The following DUOX2 variants were observed in gnomAD, a reference collection of about 807,000 sequenced individuals.
DUOX2 encodes NADH/NADPH thyroid oxidase p138-tox.
Under a neutral mutation model 183.3 loss-of-function variants are expected in DUOX2, and 185 were observed. The ratio of observed to expected loss-of-function variants is 1.01; its 90% CI spans 0.90 to 1.14. DUOX2 has a LOEUF of 1.14. DUOX2 is among the 50% of genes most tolerant of loss of function. DUOX2 has a pLI of 0.00. For missense variants in DUOX2, 1,999 were observed against 2,022.9 expected, an observed-to-expected ratio of 0.99 and a Z score of 0.23; for synonymous variants, 788 against 812.4, an observed-to-expected ratio of 0.97 and a Z score of 0.51.
rs145811119 is a variant in DUOX2 at position 45,096,021 on chromosome 15, T to A, written c.3887A>T (p.Glu1296Val). 12 of 1,613,998 alleles carry A rather than the reference T, an allele frequency of 7.4e-6. No homozygotes were observed. In the East Asian group the frequency reaches 2.7e-4, roughly 36 times the overall value. The change falls in exon 30 of 34, where the codon GAG becomes GTG. Residue 1296 changes from glutamate (E) to valine (V), a missense_variant. By Grantham distance (121) the Glu-to-Val change is moderately radical (BLOSUM62 -2). Transcript: ENST00000389039. Reference protein sequence around the residue: ...YLQFQRPQGFEYKSGQWVRIA... With the variant: ...YLQFQRPQGFVYKSGQWVRIA... ...CCGCACCCACTGTCCTGACTTGTACTCAAAGCCTTGGGGCCTCTGGAATTG... is the reference window on the plus strand; with the variant it reads ...CCGCACCCACTGTCCTGACTTGTACACAAAGCCTTGGGGCCTCTGGAATTG...
intron 24 of DUOX2, 69 bp downstream of exon 24, chr15:45,099,981 G>A (rs1894031553): frequency 3.7e-6 from 6 of 1,612,788 alleles, no homozygotes; most frequent in South Asian, 1.1e-5. Flanking sequence ...TAGGATCAGA[G>A]GGCTTTCCAC....
intron 17 of DUOX2, 113 bp downstream of exon 17, chr15:45,106,011 TC>T (rs758137037): frequency 7.1e-7 from 1 of 1,416,118 alleles, no homozygotes; most frequent in Non-Finnish European, 9.8e-7. Flanking sequence ...GGAGCCCCTC[TC>T]CCCAGCATCA....
At position 45,101,017 on chromosome 15, in the gene DUOX2, C is replaced by T; in HGVS notation, c.2922-179G>A. 5.7e-6 allele frequency: 4 copies of T among 701,126 alleles called. No individual in the cohort carries two copies. In the Admixed American group the frequency reaches 6.5e-5, roughly 11 times the overall value. The allele number at this position is 701,126 out of a possible 1,614,324, so 43.4% of individuals were successfully genotyped here. A position where few individuals can be genotyped will look rare whatever the true frequency, so the allele number is the denominator to read the frequency against. On this transcript the variant is annotated intron_variant, in intron 22 of 33. Coordinates refer to ENST00000389039, the MANE Select transcript of DUOX2 (RefSeq NM_001363711.2). The stretch of plus-strand genomic sequence containing the variant: ...GTAGAATGATTCTGGCCTGGAGCAG[C>T]AGGGAGAGAGCCAAGCATCCGAGCA...
In DUOX2 at chr15:45,109,919, T is replaced by C. The variant is rs1169879173; in HGVS notation, c.1102A>G (p.Arg368Gly). The change falls in exon 10 of 34, where the codon AGG (arginine) becomes GGG (glycine). Residue 368 changes from arginine to glycine, a missense_variant. By Grantham distance (125) the Arg-to-Gly change is moderately radical. Around this residue, in one of 3 missense-constraint regions of DUOX2, gnomAD observed 1,628 missense variants for 1,608.6 expected, o/e 1.01. Transcript: ENST00000389039. ...CGAATCCAGTAGTTGTTGCAGACCC[T>C]GAGAGCTTGGGAGCTTTGAAAACCC... ...NKGFQSSQAL[R>G]VCNNYWIREN... 2 of 1,614,038 alleles carry C rather than the reference T, an allele frequency of 1.2e-6. No homozygotes were observed. The highest frequency in any genetic ancestry group is 2.2e-5 in the East Asian group (1 of 44,902).
At chr15:45,110,793 T>C in intron 7 of DUOX2, 83 bp from the exon 8 acceptor site, 1 of 1,601,738 alleles carries the variant, frequency 6.2e-7, no homozygotes, top group Non-Finnish European at 8.5e-7. Context: ...ACGGCTTCCG[T>C]GTGGAGATGA....
intron 27 of DUOX2, 64 bp from the exon 28 acceptor site, chr15:45,097,805 C>T: frequency 1.2e-6 from 2 of 1,612,032 alleles, no homozygotes; most frequent in Non-Finnish European, 1.7e-6. Flanking sequence ...GAAAAGACAA[C>T]AGCACATTCC....
Position 45,111,974 on chromosome 15 carries a change from A to T in DUOX2, c.326-19T>A, listed in dbSNP as rs1297822494. The stretch of plus-strand genomic sequence containing the variant: ...TGGTAGCCTGCGGGCATGGGGCGCC[A>T]ATACGTGACAAACCGTCCGTATTGC... On this transcript the variant is annotated intron_variant, in intron 4 of 33. Transcript: ENST00000389039. 1 of 1,612,128 alleles carries T rather than the reference A, an allele frequency of 6.2e-7. No homozygotes were observed. The highest frequency in any genetic ancestry group is 1.3e-5 in the African/African-American group (1 of 74,922).
intron 3 of DUOX2, 49 bp from the exon 4 acceptor site, chr15:45,112,767 A>T (rs1894478537): frequency 1.9e-6 from 3 of 1,606,658 alleles, no homozygotes; most frequent in South Asian, 1.1e-5. Context: ...ATCCCCTAGG[A>T]TCCCCCAAAC....
At chr15:45,095,337 G>A in intron 31 of DUOX2, 100 bp downstream of exon 31, 2 of 1,563,326 alleles carry the variant, frequency 1.3e-6, no homozygotes, top group Non-Finnish European at 1.8e-6. Flanking sequence ...TTCAGACTCA[G>A]TTCCTGGAGC....
In DUOX2 at chr15:45,112,316, T is replaced by C. The variant is rs114865056; in HGVS notation, c.325+238A>G. Among the ~76,000 whole-genome samples the C allele has an allele frequency of 3.2e-3, 487 of 151,522 alleles. 1 individual carries two copies. The highest frequency in any genetic ancestry group is 0.011 in the African/African-American group (461 of 41,234). On this transcript the variant is annotated intron_variant, in intron 4 of 33. Transcript: ENST00000389039. ...CAGTTCCCAAGAGCTATAATGGGGG[T>C]CCAGTGACACCCCTAGGTTGGAATA... is the stretch of plus-strand genomic sequence containing the variant.
chr15:45,101,640 C>T (rs1894083031), intron 21 of DUOX2, 153 bp downstream of exon 21: 7 of 957,714 alleles, frequency 7.3e-6, no homozygotes, highest in Non-Finnish European at 9.7e-6. Flanking sequence ...GCAACTTGCA[C>T]ACCTACATGT....
At position 45,093,022 on chromosome 15, in the gene DUOX2, T is replaced by A. The variant is rs1893802550; in HGVS notation, c.*1128A>T. The A allele has an allele frequency of 6.6e-6, 1 of 152,230 alleles. No homozygotes were observed. Among genetic ancestry groups the A allele is most frequent in the East Asian group, 1.9e-4 (1 of 5,196 alleles). 9.4% of individuals were successfully genotyped at this position (152,230 alleles called of 1,614,324 possible). ...TTGACCTGGGTGGTGGTAAAACATG[T>A]ACATGATTATTTATTATACCTCGAT... On this transcript the variant is annotated 3_prime_UTR_variant, in exon 34 of 34. Transcript: ENST00000389039.
At chr15:45,109,376 G>T in intron 11 of DUOX2, 148 bp downstream of exon 11, 4 of 674,000 alleles carry the variant, frequency 5.9e-6, no homozygotes, top group Non-Finnish European at 1.0e-5. Context: ...AAAGTTCAAA[G>T]TTCATTTTCT....
chr15:45,106,620 A>G lies in DUOX2; in HGVS notation c.1853T>C (p.Val618Ala), dbSNP rs1428495510. Reference sequence around the variant, plus strand: ...TTCTCGGCCCCGGAAATAGGCCACCACTCCAGAGAGAAGCAGACTCACTGA... The same window carrying G: ...TTCTCGGCCCCGGAAATAGGCCACCGCTCCAGAGAGAAGCAGACTCACTGA... Reference protein sequence around the residue: ...LPLVSLLLSGVVAYFRGREHK... With the variant: ...LPLVSLLLSGAVAYFRGREHK... Residue 618 changes from valine (V) to alanine (A), a missense_variant, in exon 16 of 34, where the codon GTG becomes GCG. Transcript: ENST00000389039. 1 of 1,613,760 alleles carries G rather than the reference A, an allele frequency of 6.2e-7. No individual in the cohort carries two copies. Among genetic ancestry groups the G allele is most frequent in the East Asian group, 2.2e-5 (1 of 44,846 alleles).
At chr15:45,098,848 T>A (rs951497756) in intron 26 of DUOX2, among the ~76,000 whole-genome samples, 3 of 151,780 alleles carry the variant, frequency 2.0e-5, no homozygotes, top group African/African-American at 7.3e-5. Context: ...GGACTACAGA[T>A]GTGTACCACA....
rs1220089650 is a variant in DUOX2, at chr15:45,108,094, T to C, written c.1527A>G (p.Val509=). Residue 509 remains valine (V), a synonymous_variant, in exon 13 of 34, where the codon GTA becomes GTG. Coordinates refer to ENST00000389039, the MANE Select transcript of DUOX2 (RefSeq NM_001363711.2). The part of the protein sequence containing the change: ...LFSAIVLDQF[V]RLRDGDRYWF... The stretch of plus-strand genomic sequence containing the variant: ...AGTAGCGGTCACCATCCCGCAGCCG[T>C]ACAAACTGGTCGAGGACAATGGCAC... The C allele has an allele frequency of 1.2e-6, 2 of 1,613,900 alleles. No homozygotes were observed.
Position 45,111,797 on chromosome 15 carries a change from C to A in DUOX2, c.484G>T (p.Gly162Ter), listed in dbSNP as rs1214239149. ...FQRSRWDPET[G>*]RSPSNPRDLA... ...TCCCGGGGGTTGCTGGGACTCCGTC[C>A]GGTCTCGGGGTCCCAGCGGCTCCTC... Residue 162 changes from glycine (G) to a stop codon, truncating the protein, a stop_gained, in exon 5 of 34, where the codon GGA (glycine) becomes TGA (stop). Coordinates refer to ENST00000389039, the MANE Select transcript of DUOX2 (RefSeq NM_001363711.2). LOFTEE classifies it high-confidence loss of function. 1.9e-6 allele frequency: 3 copies of A among 1,611,006 alleles called. No homozygotes were observed. The highest frequency in any genetic ancestry group is 2.5e-6 in the Non-Finnish European group (3 of 1,178,988).
rs1420258149 is a variant in DUOX2 at position 45,113,362 on chromosome 15, GT to G, written c.49del (p.Thr17LeufsTer29). On this transcript the variant is annotated frameshift_variant, in exon 2 of 34. Transcript: ENST00000389039. LOFTEE classifies it high-confidence loss of function. ...EALMLLGALL[T>X]GSLGPSGSQD... is the part of the protein sequence containing the mutation. ...CTTGCCCGATGGACCCAGGGATCCA[GT>G]CAGAAGAGCTCCCAGGAGCATCAGT... 6.4e-7 allele frequency: 1 copy of G among 1,565,956 alleles called. No homozygotes were observed. The highest frequency in any genetic ancestry group is 1.9e-5 in the Admixed American group (1 of 53,542).
At position 45,112,542 on chromosome 15, in the gene DUOX2, C is replaced by CT; in HGVS notation, c.325+11dup. ...CCAGATCAACCCCACTGGTCTCCCC[C>CT]TTTGCCCTCACCAAAGAAGACCCCC... On this transcript the variant is annotated intron_variant, in intron 4 of 33. Coordinates refer to ENST00000389039, the MANE Select transcript of DUOX2 (RefSeq NM_001363711.2). The CT allele has an allele frequency of 1.2e-6, 2 of 1,612,576 alleles. No individual in the cohort carries two copies. The highest frequency in any genetic ancestry group is 1.7e-6 in the Non-Finnish European group (2 of 1,179,592).
Sources: gnomAD v4.1 joint callset for allele counts (sites outside exome capture counted in the v4.1 genomes callset) on GRCh38, gnomAD v4.1.1 for gene constraint, gnomAD v4.1.1 regional missense constraint, MANE v1.5 for transcripts, NCBI Gene and HGNC (gene_info 2026-07-23, HGNC 2026-07-21) for gene names.